The following DOCK1 variants were observed in gnomAD, a reference collection of about 807,000 sequenced individuals.
DOCK1 encodes the protein dedicator of cytokinesis protein 1.
Under a neutral mutation model 262.7 loss-of-function variants are expected in DOCK1, and 138 were observed. The observed-to-expected ratio is 0.53, with a 90% CI of 0.46 to 0.61. DOCK1 has a LOEUF of 0.61. Ranked by LOEUF, DOCK1 falls within the 20% of genes least tolerant of loss-of-function variation. The pLI is 0.00. For synonymous variants in DOCK1, 866 were observed against 867.4 expected, an observed-to-expected ratio of 1.00 and a Z score of 0.03; for missense variants, 1,908 against 2,370.7, an observed-to-expected ratio of 0.80 and a Z score of 4.05.
At chr10:127,433,011 C>T (rs1051598826) in intron 47 of DOCK1, among the ~76,000 whole-genome samples, 2 of 152,190 alleles carry the variant, frequency 1.3e-5, no homozygotes, top group Non-Finnish European at 2.9e-5. Flanking sequence ...AATGTGTTGA[C>T]GCATCGCGGT....
chr10:127,143,942 T>C (rs2051529692), intron 27 of DOCK1, among the ~76,000 whole-genome samples: 2 of 152,154 alleles, frequency 1.3e-5, no homozygotes, highest in South Asian at 4.1e-4. Flanking sequence ...TCTCTGTCCT[T>C]CCAGACTCAG....
chr10:127,121,039 C>A (rs2049526616), intron 25 of DOCK1, among the ~76,000 whole-genome samples: 2 of 152,058 alleles, frequency 1.3e-5, no homozygotes, highest in African/African-American at 4.8e-5. Flanking sequence ...CTCTTAAACG[C>A]TCTAGATACA....
chr10:127,005,045 A>C (rs1251485800), intron 10 of DOCK1, among the ~76,000 whole-genome samples: 1 of 151,960 alleles, frequency 6.6e-6, no homozygotes, highest in Non-Finnish European at 1.5e-5. Flanking sequence ...GTTACTAAGA[A>C]AGGATACTTG....
At chr10:126,961,313 C>T (rs886761312) in intron 1 of DOCK1, among the ~76,000 whole-genome samples, 6 of 152,182 alleles carry the variant, frequency 3.9e-5, no homozygotes, top group South Asian at 2.1e-4. Flanking sequence ...TGGGGCCAGG[C>T]GCGGTGGCTC....
At chr10:127,400,637 A>G (rs566066044) in intron 38 of DOCK1, among the ~76,000 whole-genome samples, 2 of 152,368 alleles carry the variant, frequency 1.3e-5, no homozygotes, top group Admixed American at 1.3e-4. Context: ...TGCCCACCTG[A>G]CAAGGTGATT....
intron 29 of DOCK1, among the ~76,000 whole-genome samples, chr10:127,314,955 C>G (rs889649363): frequency 6.6e-6 from 1 of 152,218 alleles, no homozygotes; most frequent in Non-Finnish European, 1.5e-5. Flanking sequence ...TAGAAACAAC[C>G]ATGACTGTAA....
In DOCK1 at chr10:127,009,805, C is replaced by T. The variant is rs555790610; in HGVS notation, c.1058+1001C>T. 1.4e-4 allele frequency among the ~76,000 whole-genome samples: 21 copies of T among 152,146 alleles called. No homozygotes were observed. In the South Asian group the frequency reaches 4.2e-3, roughly 30 times the overall value. ...TGAAGGAGCCCTGTCCTTGGGGGCC[C>T]GGAGATGTGAGGTTGACTTCCCTCT... On this transcript the variant is annotated intron_variant, in intron 11 of 51. Coordinates refer to ENST00000623213, the MANE Select transcript of DOCK1 (RefSeq NM_001290223.2).
chr10:127,442,349 G>A (rs151054477), intron 49 of DOCK1, among the ~76,000 whole-genome samples: 18 of 152,230 alleles, frequency 1.2e-4, no homozygotes, highest in South Asian at 1.0e-3. Flanking sequence ...AGACCCAGCC[G>A]CAGCCCCAAG....
At chr10:127,385,265 G>A (rs1020438953) in intron 38 of DOCK1, among the ~76,000 whole-genome samples, 1 of 152,064 alleles carries the variant, frequency 6.6e-6, no homozygotes, top group Non-Finnish European at 1.5e-5. Flanking sequence ...TAATCCCATG[G>A]TAGGATGGAT....
chr10:127,106,481 TGGAAAA>T (rs1462585682), intron 24 of DOCK1, among the ~76,000 whole-genome samples, 180 bp downstream of exon 24: 1 of 152,186 alleles, frequency 6.6e-6, no homozygotes, highest in African/African-American at 2.4e-5. Context: ...TGACATTATG[TGGAAAA>T]GGTATCACCA....
At chr10:126,977,372 A>T (rs897536657) in intron 2 of DOCK1, among the ~76,000 whole-genome samples, 4 of 152,168 alleles carry the variant, frequency 2.6e-5, no homozygotes, top group African/African-American at 9.7e-5. Flanking sequence ...CCAAACCCAA[A>T]GGGCAGGTGT....
chr10:127,022,507 T>G (rs967949571), intron 13 of DOCK1, among the ~76,000 whole-genome samples: 15 of 151,946 alleles, frequency 9.9e-5, no homozygotes, highest in African/African-American at 3.6e-4. Flanking sequence ...TTGCGGCAAC[T>G]TCTGCCTCCC....
chr10:127,189,462 T>C (rs1459608343), intron 27 of DOCK1, among the ~76,000 whole-genome samples: 1 of 152,188 alleles, frequency 6.6e-6, no homozygotes, highest in Non-Finnish European at 1.5e-5. Context: ...CTGGGTGTTT[T>C]TGCCACATGG....
At position 127,444,072 on chromosome 10, in the gene DOCK1, G is replaced by A. The variant is rs956060609; in HGVS notation, c.5260-54G>A. The A allele has an allele frequency of 5.1e-5, 78 of 1,543,974 alleles. No homozygotes were observed. The Admixed American group carries it at 1.1e-3, about 21-fold the overall frequency. ...TCAACATAGGAATTTAGGTGGAAACGCAACTCAGCCCATAACAGACCGTAA... is the reference window on the plus strand; with the variant it reads ...TCAACATAGGAATTTAGGTGGAAACACAACTCAGCCCATAACAGACCGTAA... On this transcript the variant is annotated intron_variant, in intron 49 of 51. Coordinates refer to ENST00000623213, the MANE Select transcript of DOCK1 (RefSeq NM_001290223.2).
chr10:127,272,616 C>T (rs1315222953), intron 29 of DOCK1, among the ~76,000 whole-genome samples: 1 of 152,152 alleles, frequency 6.6e-6, no homozygotes, highest in Non-Finnish European at 1.5e-5. Flanking sequence ...CTGCTGTTGC[C>T]TCAGTGATAT....
intron 16 of DOCK1, among the ~76,000 whole-genome samples, chr10:127,030,174 T>C (rs1005510989): frequency 6.6e-6 from 1 of 152,172 alleles, no homozygotes; most frequent in Non-Finnish European, 1.5e-5. Context: ...CGGGTGGATG[T>C]GTCATTCTCC....
intron 27 of DOCK1, among the ~76,000 whole-genome samples, chr10:127,208,795 G>C (rs967141206): frequency 6.6e-6 from 1 of 152,140 alleles, no homozygotes; most frequent in Admixed American, 6.5e-5. Flanking sequence ...CTAACGTTGA[G>C]ATGTTCTCTA....
intron 23 of DOCK1, among the ~76,000 whole-genome samples, chr10:127,094,211 C>CA (rs1040365930): frequency 2.0e-5 from 3 of 152,052 alleles, no homozygotes; most frequent in Non-Finnish European, 4.4e-5. Flanking sequence ...GAAAAACAAA[C>CA]AAAAAATCCC....
intron 27 of DOCK1, among the ~76,000 whole-genome samples, chr10:127,156,689 C>T (rs1288450874): frequency 6.6e-6 from 1 of 151,756 alleles, no homozygotes; most frequent in Non-Finnish European, 1.5e-5. Flanking sequence ...CTGCCTCAGC[C>T]TACCGAGTAG....
Sources: gnomAD v4.1 joint callset for allele counts (sites outside exome capture counted in the v4.1 genomes callset) on GRCh38, gnomAD v4.1.1 for gene constraint, MANE v1.5 for transcripts, NCBI Gene and HGNC (gene_info 2026-07-23, HGNC 2026-07-21) for gene names.